Variants in NUBPL observed in about 807,000 individuals in gnomAD.
The protein encoded by NUBPL is iron-sulfur cluster transfer protein NUBPL.
In NUBPL, 31 loss-of-function variants were observed where a neutral mutation model predicts 45.7. That is an observed-to-expected ratio of 0.68 (90% CI 0.51 to 0.92). The LOEUF is 0.92. Ranked by LOEUF, NUBPL falls within the 40% of genes least tolerant of loss-of-function variation. The probability of loss-of-function intolerance (pLI) is 0.00; values close to 1 mark genes in which losing one functional copy is unlikely to be tolerated. For synonymous variants in NUBPL, 144 were observed against 140.9 expected, an observed-to-expected ratio of 1.02 and a Z score of -0.15; for missense variants, 401 against 398.7, an observed-to-expected ratio of 1.01 and a Z score of -0.05.
At chr14:31,820,722 G>T (rs1163510488) in intron 7 of NUBPL, among the ~76,000 whole-genome samples, 1 of 151,766 alleles carries the variant, frequency 6.6e-6, no homozygotes, top group Non-Finnish European at 1.5e-5. Flanking sequence ...TACTCAGGAG[G>T]CTGAGGCAAG....
At chr14:31,795,329 G>C (rs1203499406) in intron 7 of NUBPL, among the ~76,000 whole-genome samples, 2 of 123,672 alleles carry the variant, frequency 1.6e-5, no homozygotes, top group East Asian at 5.3e-4. Flanking sequence ...GGGCAGTATG[G>C]CCATTTTCAC....
At chr14:31,771,035 T>G (rs1201070773) in intron 6 of NUBPL, among the ~76,000 whole-genome samples, 2 of 152,226 alleles carry the variant, frequency 1.3e-5, no homozygotes, top group Non-Finnish European at 2.9e-5. Context: ...ATATCTTTTC[T>G]TAGTCTTTAT....
At chr14:31,792,585 A>G (rs2039402299) in intron 7 of NUBPL, among the ~76,000 whole-genome samples, 1 of 152,198 alleles carries the variant, frequency 6.6e-6, no homozygotes, top group South Asian at 2.1e-4. Context: ...TTATTAAGTC[A>G]GTATTAAAAT....
At chr14:31,617,516 T>C (rs1383552225) in intron 4 of NUBPL, among the ~76,000 whole-genome samples, 1 of 152,236 alleles carries the variant, frequency 6.6e-6, no homozygotes, top group African/African-American at 2.4e-5. Flanking sequence ...AGGCCTTTTC[T>C]GCATCTATTG....
chr14:31,733,914 G>A (rs767839853), intron 6 of NUBPL, among the ~76,000 whole-genome samples: 2 of 152,092 alleles, frequency 1.3e-5, no homozygotes, highest in African/African-American at 2.4e-5. Context: ...TTATTTCATC[G>A]ACATCATCCA....
At chr14:31,669,825 G>A (rs561635668) in intron 4 of NUBPL, among the ~76,000 whole-genome samples, 33 of 66,016 alleles carry the variant, frequency 5.0e-4, no homozygotes, top group Non-Finnish European at 1.1e-3. Flanking sequence ...TTTTTTTTAC[G>A]GCTGCCTAGT....
intron 7 of NUBPL, among the ~76,000 whole-genome samples, chr14:31,793,962 T>C (rs1375002032): frequency 9.6e-6 from 1 of 103,946 alleles, no homozygotes; most frequent in Non-Finnish European, 1.9e-5. Context: ...TTCCCACCTA[T>C]GAGTGAGAAT....
intron 3 of NUBPL, among the ~76,000 whole-genome samples, chr14:31,596,681 G>T (rs981531067): frequency 6.6e-6 from 1 of 152,174 alleles, no homozygotes; most frequent in African/African-American, 2.4e-5. Context: ...GTTAGATCGT[G>T]TTAAAGTTCT....
At chr14:31,644,901 C>A (rs2035801870) in intron 4 of NUBPL, among the ~76,000 whole-genome samples, 1 of 151,746 alleles carries the variant, frequency 6.6e-6, no homozygotes, top group South Asian at 2.1e-4. Flanking sequence ...TATTGAATGA[C>A]CTTGTTTGTT....
chr14:31,658,485 C>T (rs1005521171), intron 4 of NUBPL, among the ~76,000 whole-genome samples: 1 of 151,288 alleles, frequency 6.6e-6, no homozygotes, highest in Non-Finnish European at 1.5e-5. Context: ...GGCTGATGAT[C>T]AAATATAGGT....
intron 4 of NUBPL, among the ~76,000 whole-genome samples, chr14:31,643,757 A>G (rs1397888922): frequency 6.6e-6 from 1 of 152,096 alleles, no homozygotes; most frequent in Non-Finnish European, 1.5e-5. Flanking sequence ...AGAATTAAGC[A>G]GTGGAACCAC....
intron 6 of NUBPL, among the ~76,000 whole-genome samples, chr14:31,716,827 A>G (rs925464597): frequency 3.3e-5 from 5 of 152,072 alleles, no homozygotes; most frequent in Non-Finnish European, 7.4e-5. Flanking sequence ...GACACTACCA[A>G]CCACCTAGCT....
At chr14:31,808,003 C>T (rs1478540269) in intron 7 of NUBPL, among the ~76,000 whole-genome samples, 1 of 152,124 alleles carries the variant, frequency 6.6e-6, no homozygotes, top group African/African-American at 2.4e-5. Flanking sequence ...GGTACCAGTA[C>T]CATGCTGTGT....
intron 6 of NUBPL, among the ~76,000 whole-genome samples, chr14:31,758,517 A>G (rs1342798088): frequency 1.3e-5 from 2 of 152,182 alleles, no homozygotes; most frequent in African/African-American, 2.4e-5. Context: ...AATTAATGTC[A>G]TGTCTTGTTT....
chr14:31,816,070 C>T lies in NUBPL; in HGVS notation c.608-10559C>T, dbSNP rs190074341. On this transcript the variant is annotated intron_variant, in intron 7 of 10. Coordinates refer to ENST00000281081, the MANE Select transcript of NUBPL (RefSeq NM_025152.3). ...CTCATAAAATGAGTTAGGGAGGACT[C>T]CCTCTTTTTCAATTGTTTGGAATAA... Among the ~76,000 whole-genome samples the T allele has an allele frequency of 1.9e-4, 29 of 152,208 alleles. No individual in the cohort carries two copies. The East Asian group carries it at 5.2e-3, about 27-fold the overall frequency.
At chr14:31,733,198 G>C (rs1452456522) in intron 6 of NUBPL, among the ~76,000 whole-genome samples, 1 of 152,158 alleles carries the variant, frequency 6.6e-6, no homozygotes, top group Non-Finnish European at 1.5e-5. Context: ...TAGGTAGGTA[G>C]ATAGATAGAT....
At chr14:31,788,421 G>A (rs1475862031) in intron 7 of NUBPL, among the ~76,000 whole-genome samples, 1 of 152,138 alleles carries the variant, frequency 6.6e-6, no homozygotes, top group Non-Finnish European at 1.5e-5. Flanking sequence ...TCCCACTTCT[G>A]CTTTAAGTCC....
At chr14:31,653,160 G>T (rs1357334489) in intron 4 of NUBPL, among the ~76,000 whole-genome samples, 3 of 152,192 alleles carry the variant, frequency 2.0e-5, no homozygotes, top group African/African-American at 4.8e-5. Flanking sequence ...AAGGCAAAGG[G>T]CAAAATTAGA....
Position 31,799,550 on chromosome 14 carries a change from C to T in NUBPL, c.607+11677C>T, listed in dbSNP as rs368219790. On this transcript the variant is annotated intron_variant, in intron 7 of 10. Coordinates refer to ENST00000281081, the MANE Select transcript of NUBPL (RefSeq NM_025152.3). ...CAGGCCACCTCAATAAAGCAAGTAT[C>T]GTAATCAAGCAAGTTGCATGAACTT... Among the ~76,000 whole-genome samples, 32 of 152,254 alleles carry T rather than the reference C, an allele frequency of 2.1e-4. No homozygotes were observed. In the South Asian group the frequency reaches 3.9e-3, roughly 19 times the overall value.
Sources: gnomAD v4.1 joint callset for allele counts (sites outside exome capture counted in the v4.1 genomes callset) on GRCh38, gnomAD v4.1.1 for gene constraint, MANE v1.5 for transcripts, NCBI Gene and HGNC (gene_info 2026-07-23, HGNC 2026-07-21) for gene names.